Variants in RBFOX1 observed in about 807,000 individuals in gnomAD.
RBFOX1 encodes RNA binding protein fox-1 homolog 1.
RBFOX1 carries 8 observed loss-of-function variants against 57.7 expected under a neutral mutation model. The observed-to-expected ratio is 0.14, with a 90% CI of 0.08 to 0.25. The LOEUF (loss-of-function observed/expected upper bound fraction) is 0.25. RBFOX1 is among the 10% of genes least tolerant of loss of function. RBFOX1 has a pLI of 1.00. For synonymous variants in RBFOX1, 326 were observed against 222.4 expected, an observed-to-expected ratio of 1.47 and a Z score of -4.15; for missense variants, 611 against 548.5, an observed-to-expected ratio of 1.11 and a Z score of -1.14.
chr16:5,958,295 A>T (rs772506460), intron 4 of RBFOX1, among the ~76,000 whole-genome samples: 1 of 152,198 alleles, frequency 6.6e-6, no homozygotes, highest in African/African-American at 2.4e-5. Flanking sequence ...TGCTAATTGT[A>T]TCACACTTGT....
chr16:5,930,822 T>C (rs1461733666), intron 4 of RBFOX1, among the ~76,000 whole-genome samples: 1 of 120,794 alleles, frequency 8.3e-6, no homozygotes, highest in Non-Finnish European at 1.7e-5. Context: ...GGGTGGATGG[T>C]TGCATGGATG....
At chr16:7,242,101 A>C (rs2094096234) in intron 4 of RBFOX1, among the ~76,000 whole-genome samples, 3 of 152,218 alleles carry the variant, frequency 2.0e-5, no homozygotes, top group South Asian at 4.2e-4. Context: ...GGAATTTCCA[A>C]ATTTTCCTTC....
At chr16:6,682,075 A>C (rs112750314) in intron 3 of RBFOX1, among the ~76,000 whole-genome samples, 6 of 152,192 alleles carry the variant, frequency 3.9e-5, no homozygotes, top group Admixed American at 2.6e-4. Context: ...TGTTTTGCCC[A>C]ATAGAACAAA....
intron 3 of RBFOX1, among the ~76,000 whole-genome samples, chr16:6,999,247 C>T (rs1458317320): frequency 6.4e-5 from 5 of 78,162 alleles, no homozygotes; most frequent in East Asian, 3.4e-4. Flanking sequence ...TTTTAGAGAT[C>T]AGGTCTCACT....
At chr16:5,502,467 C>A (rs543393735) in intron 2 of RBFOX1, among the ~76,000 whole-genome samples, 1 of 152,270 alleles carries the variant, frequency 6.6e-6, no homozygotes, top group East Asian at 1.9e-4. Context: ...GCTCCGGCCC[C>A]TAGTGTCCCT....
chr16:6,701,431 G>A (rs1427658548), intron 3 of RBFOX1, among the ~76,000 whole-genome samples: 1 of 152,202 alleles, frequency 6.6e-6, no homozygotes, highest in African/African-American at 2.4e-5. Flanking sequence ...TGCTGTAAAG[G>A]AATACCTGAG....
chr16:6,243,960 A>C (rs1369868574), intron 1 of RBFOX1, among the ~76,000 whole-genome samples: 2 of 152,166 alleles, frequency 1.3e-5, no homozygotes, highest in Non-Finnish European at 2.9e-5. Context: ...ATAAGCCAGT[A>C]AACTCCTTCT....
intron 4 of RBFOX1, among the ~76,000 whole-genome samples, chr16:7,170,998 C>G (rs115472756): frequency 6.6e-6 from 1 of 152,208 alleles, no homozygotes; most frequent in Non-Finnish European, 1.5e-5. Flanking sequence ...TCCCGTCTTG[C>G]TCCAGTCTGC....
intron 1 of RBFOX1, among the ~76,000 whole-genome samples, chr16:6,165,164 A>G (rs912519847): frequency 1.3e-5 from 2 of 152,200 alleles, no homozygotes; most frequent in African/African-American, 4.8e-5. Context: ...TGGGAGTAAT[A>G]GTATTAATAC....
At chr16:5,891,600 C>T (rs1358066928) in intron 4 of RBFOX1, among the ~76,000 whole-genome samples, 5 of 152,160 alleles carry the variant, frequency 3.3e-5, no homozygotes, top group African/African-American at 2.4e-5. Context: ...GGGGTTCCTT[C>T]TAGTCTACAG....
intron 2 of RBFOX1, among the ~76,000 whole-genome samples, chr16:5,537,354 G>T (rs533049321): frequency 5.3e-5 from 8 of 152,162 alleles, no homozygotes; most frequent in Non-Finnish European, 8.8e-5. Context: ...AAGCGAAATA[G>T]GTATTAGTTT....
chr16:7,482,453 C>G (rs1483393826), intron 4 of RBFOX1, among the ~76,000 whole-genome samples: 1 of 146,746 alleles, frequency 6.8e-6, no homozygotes, highest in African/African-American at 2.6e-5. Context: ...TTCAGCCCCT[C>G]CTTCCATTTC....
At chr16:6,599,668 A>C (rs1369285326) in intron 2 of RBFOX1, among the ~76,000 whole-genome samples, 1 of 152,182 alleles carries the variant, frequency 6.6e-6, no homozygotes, top group African/African-American at 2.4e-5. Flanking sequence ...GCCATATGGC[A>C]GAGTGCTTCA....
chr16:5,469,280 C>G (rs1414531974), intron 2 of RBFOX1, among the ~76,000 whole-genome samples: 1 of 152,082 alleles, frequency 6.6e-6, no homozygotes, highest in Non-Finnish European at 1.5e-5. Flanking sequence ...CCCCAGCACA[C>G]CCCCCATGTA....
chr16:6,792,769 G>A (rs570845162), intron 3 of RBFOX1, among the ~76,000 whole-genome samples: 8 of 152,236 alleles, frequency 5.3e-5, no homozygotes, highest in South Asian at 2.1e-4. Flanking sequence ...GGTGGCTCAC[G>A]CCTGTAATCC....
At chr16:7,627,245 G>A (rs1352099548) in intron 10 of RBFOX1, among the ~76,000 whole-genome samples, 1 of 149,770 alleles carries the variant, frequency 6.7e-6, no homozygotes. Context: ...AGCAGGAACA[G>A]CATGAAGGTT....
At chr16:6,503,973 C>T (rs1451491967) in intron 2 of RBFOX1, among the ~76,000 whole-genome samples, 5 of 152,192 alleles carry the variant, frequency 3.3e-5, no homozygotes, top group East Asian at 1.9e-4. Context: ...ATTCAAGATA[C>T]ATGTAGTCTC....
intron 3 of RBFOX1, among the ~76,000 whole-genome samples, chr16:6,762,201 T>A (rs2076704879): frequency 6.6e-6 from 1 of 150,518 alleles, no homozygotes; most frequent in African/African-American, 2.5e-5. Flanking sequence ...ATAATTAGAA[T>A]TAGATAAAAT....
At chr16:6,294,553 G>T (rs1448130982) in intron 1 of RBFOX1, among the ~76,000 whole-genome samples, 1 of 152,162 alleles carries the variant, frequency 6.6e-6, no homozygotes, top group African/African-American at 2.4e-5. Flanking sequence ...AAGTATGAAG[G>T]TGCCTGCTTG....
Sources: allele counts gnomAD v4.1 joint callset (sites outside exome capture counted in the v4.1 genomes callset), GRCh38; gene constraint gnomAD v4.1.1; transcripts MANE v1.5; gene names NCBI Gene and HGNC (gene_info 2026-07-23, HGNC 2026-07-21).